GORASP2: variants seen among roughly 807,000 people sequenced by gnomAD.
GORASP2 encodes the protein Golgi reassembly-stacking protein 2.
In GORASP2, 22 loss-of-function variants were observed where a neutral mutation model predicts 45.7. That is an observed-to-expected ratio of 0.48 (90% CI 0.34 to 0.69). GORASP2 has a LOEUF of 0.69. GORASP2 is among the 30% of genes least tolerant of loss of function. GORASP2 has a pLI of 0.01. For synonymous variants in GORASP2, 221 were observed against 215.6 expected (o/e 1.02, Z -0.22); for missense variants, 491 against 562.7 (o/e 0.87, Z 1.29).
chr2:170,956,045 C>T (rs191977457), intron 6 of GORASP2, among the ~76,000 whole-genome samples: 1 of 152,248 alleles, frequency 6.6e-6, no homozygotes, highest in African/African-American at 2.4e-5. Flanking sequence ...CTTTCCTGAG[C>T]AATGAAAGTT....
chr2:170,955,163 A>G (rs1704395978), intron 6 of GORASP2, among the ~76,000 whole-genome samples: 1 of 152,268 alleles, frequency 6.6e-6, no homozygotes, highest in African/African-American at 2.4e-5. Flanking sequence ...AAGCTTCAAG[A>G]AATCGAACAC....
At chr2:170,937,835 A>G (rs537178031) in intron 1 of GORASP2, among the ~76,000 whole-genome samples, 35 of 152,278 alleles carry the variant, frequency 2.3e-4, no homozygotes, top group Non-Finnish European at 4.3e-4. Flanking sequence ...AGACAGAAGG[A>G]AAGAATCTTG....
intron 3 of GORASP2, 165 bp from the exon 4 acceptor site, chr2:170,950,039 C>A: frequency 1.9e-6 from 1 of 536,658 alleles, no homozygotes; most frequent in Non-Finnish European, 3.3e-6. Flanking sequence ...AATTTTTATG[C>A]TCAGAAGTTT....
chr2:170,954,579 C>A (rs1447002652), intron 5 of GORASP2, 71 bp from the exon 6 acceptor site: 13 of 1,351,570 alleles, frequency 9.6e-6, no homozygotes, highest in Non-Finnish European at 3.1e-6. Flanking sequence ...ACCCGCCCCC[C>A]CCAAAAAAAA....
chr2:170,939,700 T>G (rs756471516), intron 1 of GORASP2, among the ~76,000 whole-genome samples: 1 of 152,236 alleles, frequency 6.6e-6, no homozygotes, highest in Non-Finnish European at 1.5e-5. Context: ...CTCTGCAATT[T>G]CAAGCATCCA....
chr2:170,930,757 G>C (rs1703803850), intron 1 of GORASP2, among the ~76,000 whole-genome samples: 1 of 152,096 alleles, frequency 6.6e-6, no homozygotes, highest in African/African-American at 2.4e-5. Flanking sequence ...GAGAGGAAAT[G>C]GAAGGAGAAT....
intron 7 of GORASP2, among the ~76,000 whole-genome samples, chr2:170,960,797 A>G (rs1575479963): frequency 6.6e-6 from 1 of 152,228 alleles, no homozygotes; most frequent in Non-Finnish European, 1.5e-5. Flanking sequence ...TGAATTCCGC[A>G]GAAAAGTAGA....
chr2:170,966,119 G>C lies in GORASP2; in HGVS notation c.1348G>C (p.Glu450Gln), dbSNP rs777207404. ...VSAAVDANASESP is the reference protein window; with the variant it reads ...VSAAVDANASQSP The stretch of plus-strand genomic sequence containing the variant: ...TGCGGCTGTGGATGCCAATGCTTCT[G>C]AGTCACCTTAACTTTGAACCATTCT... The change falls in exon 10 of 10, where the codon GAG becomes CAG. Residue 450 changes from glutamate (E) to glutamine (Q), a missense_variant. By Grantham distance (29) the Glu-to-Gln change is conservative. Coordinates refer to ENST00000234160, the MANE Select transcript of GORASP2 (RefSeq NM_015530.5). 7 of 1,612,210 alleles carry C rather than the reference G, an allele frequency of 4.3e-6. No individual in the cohort carries two copies. Among genetic ancestry groups the C allele is most frequent in the South Asian group, 1.1e-5 (1 of 91,054 alleles).
chr2:170,958,984 G>A (rs1704491686), intron 7 of GORASP2, among the ~76,000 whole-genome samples: 1 of 151,298 alleles, frequency 6.6e-6, no homozygotes, highest in African/African-American at 2.4e-5. Context: ...TTTTGAGGCA[G>A]AGTTTCACTC....
chr2:170,948,459 A>AT, intron 2 of GORASP2, 29 bp downstream of exon 2: 1 of 1,213,602 alleles, frequency 8.2e-7, no homozygotes, highest in Non-Finnish European at 1.2e-6. Context: ...AGTTTTGTCT[A>AT]TAGTATTTGT....
chr2:170,932,237 AG>A (rs1559305908), intron 1 of GORASP2, among the ~76,000 whole-genome samples: 1 of 151,918 alleles, frequency 6.6e-6, no homozygotes, highest in East Asian at 1.9e-4. Flanking sequence ...CAAAAAAAAA[AG>A]AGTCTCTTCT....
chr2:170,942,631 G>T (rs533932817), intron 1 of GORASP2, among the ~76,000 whole-genome samples: 2 of 152,128 alleles, frequency 1.3e-5, no homozygotes, highest in African/African-American at 2.4e-5. Flanking sequence ...CTGTTTCTAC[G>T]TTAGGGATAT....
chr2:170,966,511 C>T lies in GORASP2; in HGVS notation c.*381C>T, dbSNP rs995093321. 5.6e-5 allele frequency: 14 copies of T among 249,754 alleles called. No individual in the cohort carries two copies. The highest frequency in any genetic ancestry group is 2.1e-4 in the African/African-American group (9 of 43,422). The allele number at this position is 249,754 out of a possible 1,614,324, so 15.5% of individuals were successfully genotyped here. On this transcript the variant is annotated 3_prime_UTR_variant, in exon 10 of 10. Transcript: ENST00000234160. ...AAATATTCTATGCCTAATACTCACA[C>T]GCAACATTTCTTGTACTTTGTAAGT...
chr2:170,929,658 C>T, intron 1 of GORASP2: 6 of 617,258 alleles, frequency 9.7e-6, no homozygotes, highest in South Asian at 1.7e-5. Context: ...GCGACTCGGC[C>T]AGGGGGCGGC....
At chr2:170,959,539 A>G (rs922317247) in intron 7 of GORASP2, among the ~76,000 whole-genome samples, 1 of 152,234 alleles carries the variant, frequency 6.6e-6, no homozygotes, top group African/African-American at 2.4e-5. Flanking sequence ...ATGTTCTAGC[A>G]TCACAACACG....
chr2:170,944,544 C>A (rs2105317663), intron 1 of GORASP2, among the ~76,000 whole-genome samples: 1 of 152,242 alleles, frequency 6.6e-6, no homozygotes, highest in African/African-American at 2.4e-5. Flanking sequence ...GCTATTGAAT[C>A]ATTTTTGAAT....
chr2:170,946,115 G>A (rs1704177706), intron 1 of GORASP2, among the ~76,000 whole-genome samples: 3 of 152,036 alleles, frequency 2.0e-5, no homozygotes, highest in Admixed American at 1.3e-4. Flanking sequence ...GGGTGCAAGT[G>A]ATCCTCCCAG....
chr2:170,937,663 G>A (rs552735346), intron 1 of GORASP2, among the ~76,000 whole-genome samples: 15 of 152,224 alleles, frequency 9.9e-5, no homozygotes, highest in Non-Finnish European at 1.9e-4. Flanking sequence ...GAGGGAAGGA[G>A]GGAGGGAAGG....
intron 1 of GORASP2, among the ~76,000 whole-genome samples, chr2:170,938,193 A>G (rs1252015448): frequency 6.6e-6 from 1 of 152,284 alleles, no homozygotes; most frequent in Admixed American, 6.5e-5. Flanking sequence ...AATGTGGAAT[A>G]TAATAAGGAT....
Sources: allele counts gnomAD v4.1 joint callset (sites outside exome capture counted in the v4.1 genomes callset), GRCh38; gene constraint gnomAD v4.1.1; transcripts MANE v1.5; gene names NCBI Gene and HGNC (gene_info 2026-07-23, HGNC 2026-07-21).